Variants in SETBP1 observed in about 807,000 individuals in gnomAD.
SETBP1 encodes SET-binding protein.
Under a neutral mutation model 101.0 loss-of-function variants are expected in SETBP1, and 9 were observed. That is an observed-to-expected ratio of 0.09 (90% CI 0.05 to 0.16). The LOEUF is 0.16. Ranked by LOEUF, SETBP1 falls within the 10% of genes least tolerant of loss-of-function variation. SETBP1 has a pLI of 1.00. For synonymous variants in SETBP1, 818 were observed against 788.5 expected (o/e 1.04, Z -0.63); for missense variants, 1,858 against 2,033.8 (o/e 0.91, Z 1.66).
chr18:44,990,927 GAAAA>G (rs996043221), intron 4 of SETBP1, among the ~76,000 whole-genome samples: 2 of 63,190 alleles, frequency 3.2e-5, no homozygotes, highest in Non-Finnish European at 6.6e-5. Context: ...CAGAGAGAGA[GAAAA>G]AAAAAAAAAA....
At chr18:44,979,922 T>C (rs1343520297) in intron 4 of SETBP1, among the ~76,000 whole-genome samples, 1 of 152,258 alleles carries the variant, frequency 6.6e-6, no homozygotes, top group African/African-American at 2.4e-5. Context: ...ACTAAGTTCA[T>C]GTGTTTGAAA....
At chr18:44,859,736 A>G (rs1470989103) in intron 2 of SETBP1, among the ~76,000 whole-genome samples, 1 of 152,230 alleles carries the variant, frequency 6.6e-6, no homozygotes, top group African/African-American at 2.4e-5. Flanking sequence ...GTGACTTTTC[A>G]TATTATAATA....
chr18:44,991,496 A>G (rs1249354744), intron 4 of SETBP1, among the ~76,000 whole-genome samples: 1 of 152,162 alleles, frequency 6.6e-6, no homozygotes, highest in Non-Finnish European at 1.5e-5. Flanking sequence ...TACCATCCAA[A>G]ATAGTCTTTA....
chr18:44,758,112 G>A (rs989429733), intron 2 of SETBP1, among the ~76,000 whole-genome samples: 5 of 152,190 alleles, frequency 3.3e-5, no homozygotes, highest in South Asian at 2.1e-4. Flanking sequence ...TCCGTGTAGC[G>A]TACAGCTCTA....
intron 2 of SETBP1, among the ~76,000 whole-genome samples, chr18:44,715,821 C>T (rs1472006179): frequency 6.6e-6 from 1 of 152,162 alleles, no homozygotes; most frequent in African/African-American, 2.4e-5. Context: ...CTTAATAAAG[C>T]CCCCAGACGT....
At chr18:44,693,102 G>T (rs542347699) in intron 1 of SETBP1, among the ~76,000 whole-genome samples, 1 of 152,330 alleles carries the variant, frequency 6.6e-6, no homozygotes, top group Admixed American at 6.5e-5. Flanking sequence ...TAAGAGTTGG[G>T]TCACCTGCTA....
At chr18:44,911,941 C>CCA (rs5824564) in intron 3 of SETBP1, among the ~76,000 whole-genome samples, 60,107 of 149,896 alleles carry the variant, frequency 0.4, 11,981 homozygotes, top group Middle Eastern at 0.48. Flanking sequence ...ATACACACAC[C>CCA]CACACACACA....
intron 4 of SETBP1, among the ~76,000 whole-genome samples, chr18:44,993,815 A>C (rs1568015508): frequency 6.6e-6 from 1 of 152,070 alleles, no homozygotes. Flanking sequence ...AAGATCTCTT[A>C]AAGAAGAAGA....
chr18:44,801,692 A>G (rs1339074654), intron 2 of SETBP1, among the ~76,000 whole-genome samples: 1 of 152,102 alleles, frequency 6.6e-6, no homozygotes, highest in African/African-American at 2.4e-5. Flanking sequence ...TAATTTGAAA[A>G]CAAATATTAC....
At chr18:44,926,757 CAAACA>C (rs1443216319) in intron 3 of SETBP1, among the ~76,000 whole-genome samples, 1 of 141,168 alleles carries the variant, frequency 7.1e-6, no homozygotes, top group East Asian at 2.7e-4. Context: ...AACAAACAAA[CAAACA>C]AACAACAACA....
intron 4 of SETBP1, among the ~76,000 whole-genome samples, chr18:45,027,429 A>G (rs750414004): frequency 2.6e-5 from 4 of 152,182 alleles, no homozygotes; most frequent in Non-Finnish European, 5.9e-5. Flanking sequence ...TCATGATTTC[A>G]GTCTCTTAAC....
chr18:44,877,521 G>T (rs996589156), intron 3 of SETBP1: 6 of 244,672 alleles, frequency 2.5e-5, no homozygotes, highest in Non-Finnish European at 3.9e-5. Context: ...TATCTTTCTT[G>T]CTACTTTTAG....
intron 4 of SETBP1, among the ~76,000 whole-genome samples, chr18:44,953,687 C>T (rs1478798383): frequency 1.3e-5 from 2 of 152,128 alleles, no homozygotes; most frequent in Middle Eastern, 3.2e-3. Context: ...TTGGATACAG[C>T]CTCTAAAACT....
chr18:44,951,932 G>C lies in SETBP1; in HGVS notation c.2592G>C (p.Thr864=). The change falls in exon 4 of 6, where the codon ACG becomes ACC. Residue 864 remains threonine (T), a synonymous_variant. Coordinates refer to ENST00000649279, the MANE Select transcript of SETBP1 (RefSeq NM_015559.3). The surrounding 1 kb of genome is among the most constrained non-coding windows in gnomAD (Gnocchi z 7.8). ...TGAGCGAGTCCCACAGTGAGGAGAC[G>C]ATCCCCAGCGACAGCGGCATTGGGA... The part of the protein sequence containing the change: ...SPVSESHSEE[T]IPSDSGIGTD... 1.2e-6 allele frequency: 2 copies of C among 1,614,010 alleles called. No homozygotes were observed. Among genetic ancestry groups the C allele is most frequent in the Non-Finnish European group, 1.7e-6 (2 of 1,180,024 alleles).
At chr18:44,810,438 T>C (rs1456102413) in intron 2 of SETBP1, among the ~76,000 whole-genome samples, 3 of 152,242 alleles carry the variant, frequency 2.0e-5, no homozygotes, top group South Asian at 2.1e-4. Flanking sequence ...TTTACAGTAT[T>C]GGCTGAAAGC....
At chr18:44,981,391 C>T (rs1313179063) in intron 4 of SETBP1, among the ~76,000 whole-genome samples, 10 of 152,178 alleles carry the variant, frequency 6.6e-5, no homozygotes, top group Non-Finnish European at 1.3e-4. Flanking sequence ...CAGTCTTACA[C>T]GGAATCAATG....
intron 2 of SETBP1, among the ~76,000 whole-genome samples, chr18:44,719,270 A>C (rs1431103649): frequency 6.6e-6 from 1 of 152,240 alleles, no homozygotes; most frequent in Non-Finnish European, 1.5e-5. Context: ...CGGGCAAATC[A>C]GGTTCAGAAG....
chr18:44,945,296 C>A (rs1185833315), intron 3 of SETBP1, among the ~76,000 whole-genome samples: 6 of 151,992 alleles, frequency 3.9e-5, no homozygotes, highest in Admixed American at 3.9e-4. Context: ...AAAAACAACC[C>A]CATCAAAAAG....
chr18:44,971,827 G>A (rs1254426815), intron 4 of SETBP1, among the ~76,000 whole-genome samples: 1 of 152,088 alleles, frequency 6.6e-6, no homozygotes, highest in Non-Finnish European at 1.5e-5. Flanking sequence ...TCTGTAGGTT[G>A]CCTGTTCACT....
Sources: gnomAD v4.1 joint callset for allele counts (sites outside exome capture counted in the v4.1 genomes callset) on GRCh38, gnomAD v4.1.1 for gene constraint, Gnocchi (gnomAD v3.1) non-coding constraint, MANE v1.5 for transcripts, NCBI Gene and HGNC (gene_info 2026-07-23, HGNC 2026-07-21) for gene names.